MIDEAS: variants seen among roughly 807,000 people sequenced by gnomAD.
The protein encoded by MIDEAS is mitotic deacetylase associated SANT domain protein.
A neutral mutation model predicts 102.7 loss-of-function variants in MIDEAS; 26 were observed. The ratio of observed to expected loss-of-function variants is 0.25; its 90% CI spans 0.19 to 0.35. MIDEAS has a LOEUF of 0.35. MIDEAS is among the 10% of genes least tolerant of loss of function. The probability of loss-of-function intolerance (pLI) is 1.00; values close to 1 mark genes in which losing one functional copy is unlikely to be tolerated. For synonymous variants in MIDEAS, 585 were observed against 591.0 expected (o/e 0.99, Z 0.15); for missense variants, 1,231 against 1,435.6 (o/e 0.86, Z 2.30).
At chr14:73,783,867 T>C (rs1456193887) in intron 1 of MIDEAS, among the ~76,000 whole-genome samples, 1 of 152,164 alleles carries the variant, frequency 6.6e-6, no homozygotes, top group Admixed American at 6.5e-5. Flanking sequence ...ATGCCCTCTT[T>C]AGCTGGGGGT....
At chr14:73,720,833 C>T (rs2052979629) in intron 11 of MIDEAS, among the ~76,000 whole-genome samples, 2 of 152,292 alleles carry the variant, frequency 1.3e-5, no homozygotes, top group South Asian at 4.1e-4. Flanking sequence ...AAGCACTTTG[C>T]AGAGATCATG....
chr14:73,719,610 A>T, intron 11 of MIDEAS, 109 bp from the exon 12 acceptor site: 1 of 1,088,274 alleles, frequency 9.2e-7, no homozygotes, highest in Non-Finnish European at 1.3e-6. Flanking sequence ...TTCCTGCCAA[A>T]CAGTCACCTA....
chr14:73,750,178 A>G (rs998224584), intron 1 of MIDEAS, among the ~76,000 whole-genome samples: 1 of 152,108 alleles, frequency 6.6e-6, no homozygotes, highest in Non-Finnish European at 1.5e-5. Flanking sequence ...CCTATGGAGG[A>G]GTCTTATGTC....
intron 9 of MIDEAS, chr14:73,723,671 T>C (rs1188798887): frequency 6.6e-6 from 1 of 152,220 alleles, no homozygotes; most frequent in Non-Finnish European, 1.5e-5. Context: ...ATATAGCCAA[T>C]GTTAACGATT....
chr14:73,759,108 T>TG lies in MIDEAS; in HGVS notation c.-248+654dup, dbSNP rs2053523587. On this transcript the variant is annotated intron_variant, in intron 1 of 12. Transcript: ENST00000423556. The surrounding 1 kb of genome is among the most constrained non-coding windows in gnomAD (Gnocchi z 6.7). ...GCGCGGGAGGATGACAGGTCTGAGG[T>TG]GCGCCCGCCCGCGCGAAGCGCTCCA... Among the ~76,000 whole-genome samples, 1 of 151,218 alleles carries TG rather than the reference T, an allele frequency of 6.6e-6. No homozygotes were observed. The highest frequency in any genetic ancestry group is 1.5e-5 in the Non-Finnish European group (1 of 67,732).
rs1235397436 is a variant in MIDEAS, at chr14:73,716,782, T to A, written c.*2061A>T. 6.6e-6 allele frequency: 1 copy of A among 152,420 alleles called. No individual in the cohort carries two copies. 9.4% of individuals were successfully genotyped at this position (152,420 alleles called of 1,614,324 possible). A position where few individuals can be genotyped will look rare whatever the true frequency, so the allele number is the denominator to read the frequency against. Reference sequence around the variant, plus strand: ...TGAATGATGGAGGTTTCTGTTACCGTATGCCCATAAAGGGGCCTGAAACCA... The same window carrying A: ...TGAATGATGGAGGTTTCTGTTACCGAATGCCCATAAAGGGGCCTGAAACCA... On this transcript the variant is annotated 3_prime_UTR_variant, in exon 13 of 13. Coordinates refer to ENST00000423556, the MANE Select transcript of MIDEAS (RefSeq NM_001367710.1).
chr14:73,753,672 G>C (rs2053448959), intron 1 of MIDEAS, among the ~76,000 whole-genome samples: 1 of 152,276 alleles, frequency 6.6e-6, no homozygotes, highest in Admixed American at 6.5e-5. Flanking sequence ...TCCACAGCTG[G>C]CTGAGAGCAA....
At chr14:73,726,430 C>T (rs1042448596) in intron 7 of MIDEAS, among the ~76,000 whole-genome samples, 174 bp downstream of exon 7, 1 of 152,224 alleles carries the variant, frequency 6.6e-6, no homozygotes, top group Non-Finnish European at 1.5e-5. Context: ...ACAGCAAAAC[C>T]CGGGGTCTGA....
At position 73,738,979 on chromosome 14, in the gene MIDEAS, G is replaced by A. The variant is rs1406164082; in HGVS notation, c.1030C>T (p.Arg344Cys). ...TCCTTAGAGAGGCGGCGGGAGCGGC[G>A]GGGGAAGGGGATCTGGACCTGAGGT... Reference protein sequence around the residue: ...ALPQVQIPFPRRSRRLSKEGI... With the variant: ...ALPQVQIPFPCRSRRLSKEGI... Residue 344 changes from arginine (R) to cysteine (C), a missense_variant, in exon 2 of 13, where the codon CGC (arginine) becomes TGC (cysteine). Transcript: ENST00000423556. 10 of 1,531,854 alleles carry A rather than the reference G, an allele frequency of 6.5e-6. No homozygotes were observed. Among genetic ancestry groups the A allele is most frequent in the Admixed American group, 4.2e-5 (2 of 47,730 alleles). 94.9% of individuals were successfully genotyped at this position (1,531,854 alleles called of 1,614,324 possible).
chr14:73,725,749 C>T lies in MIDEAS; in HGVS notation c.2485+284G>A, dbSNP rs146199033. 1.1e-3 allele frequency among the ~76,000 whole-genome samples: 171 copies of T among 152,322 alleles called. 1 individual carries two copies. In the East Asian group the frequency reaches 0.031, roughly 28 times the overall value. On this transcript the variant is annotated intron_variant, in intron 8 of 12. Coordinates refer to ENST00000423556, the MANE Select transcript of MIDEAS (RefSeq NM_001367710.1). This position sits in a 1 kb window ranked among gnomAD's most constrained non-coding sequence, Gnocchi z 4.1. ...GGGGCTAAGTTCCAGGTACCTGATG[C>T]CAATCTGGATGGCTCTCCATGGGTT...
At position 73,725,976 on chromosome 14, in the gene MIDEAS, T is replaced by C. The variant is rs982754220; in HGVS notation, c.2485+57A>G. The C allele has an allele frequency of 7.0e-7, 1 of 1,427,556 alleles. No individual in the cohort carries two copies. Among genetic ancestry groups the C allele is most frequent in the African/African-American group, 1.4e-5 (1 of 70,984 alleles). The allele number at this position is 1,427,556 out of a possible 1,614,324, so 88.4% of individuals were successfully genotyped here. A position where few individuals can be genotyped will look rare whatever the true frequency, so the allele number is the denominator to read the frequency against. ...TGACTCAGCACTGAGCAGGGCCCCATGGATGCTGGAGACCTCTTGAGGCTC... is the reference window on the plus strand; with the variant it reads ...TGACTCAGCACTGAGCAGGGCCCCACGGATGCTGGAGACCTCTTGAGGCTC... On this transcript the variant is annotated intron_variant, in intron 8 of 12. Coordinates refer to ENST00000423556, the MANE Select transcript of MIDEAS (RefSeq NM_001367710.1). This position sits in a 1 kb window ranked among gnomAD's most constrained non-coding sequence, Gnocchi z 4.1.
In MIDEAS at chr14:73,738,545, G is replaced by GGT; in HGVS notation, c.1449+14_1449+15insAC. The GGT allele has an allele frequency of 2.0e-6, 3 of 1,525,654 alleles. No individual in the cohort carries two copies. In the Admixed American group the frequency reaches 6.0e-5, roughly 30 times the overall value. 94.5% of individuals were successfully genotyped at this position (1,525,654 alleles called of 1,614,324 possible). On this transcript the variant is annotated intron_variant, in intron 2 of 12. Transcript: ENST00000423556. ...GCCCTCTGCCAGGTGTGGCTCCACT[G>GGT]CATGCCACTCTCACCTTTGCATTCT... is the stretch of plus-strand genomic sequence containing the variant.
In MIDEAS at chr14:73,738,771, C is replaced by G. The variant is rs745902012; in HGVS notation, c.1238G>C (p.Gly413Ala). ...CCGGCCATTGGGTGCTAGTCTCTCC[C>G]CATCAGGCAGTAGCTGCGACTCCCT... ...ELRESQLLPD[G>A]ERLAPNGRER... Residue 413 changes from glycine to alanine, a missense_variant, in exon 2 of 13, where the codon GGG becomes GCG. Physicochemically the swap from Gly to Ala is moderately conservative, Grantham distance 60 (BLOSUM62 0). Around this residue, in one of 5 missense-constraint regions of MIDEAS, gnomAD observed 758 missense variants for 856.0 expected, o/e 0.89. Coordinates refer to ENST00000423556, the MANE Select transcript of MIDEAS (RefSeq NM_001367710.1). 2 of 1,593,802 alleles carry G rather than the reference C, an allele frequency of 1.3e-6. No homozygotes were observed. The highest frequency in any genetic ancestry group is 1.7e-6 in the Non-Finnish European group (2 of 1,168,978).
In MIDEAS at chr14:73,718,621, A is replaced by G; in HGVS notation, c.*222T>C. 1 of 420,578 alleles carries G rather than the reference A, an allele frequency of 2.4e-6. No individual in the cohort carries two copies. Among genetic ancestry groups the G allele is most frequent in the South Asian group, 8.9e-5 (1 of 11,216 alleles). The allele number at this position is 420,578 out of a possible 1,614,324, so 26.1% of individuals were successfully genotyped here. ...CAGGAAAGCACGAGGACAGCTTCCGACAGACCAAATGCAAAGAGAGCTGGA... is the reference window on the plus strand; with the variant it reads ...CAGGAAAGCACGAGGACAGCTTCCGGCAGACCAAATGCAAAGAGAGCTGGA... On this transcript the variant is annotated 3_prime_UTR_variant, in exon 13 of 13. Coordinates refer to ENST00000423556, the MANE Select transcript of MIDEAS (RefSeq NM_001367710.1).
intron 1 of MIDEAS, among the ~76,000 whole-genome samples, chr14:73,769,449 G>GGCCC (rs2053622533): frequency 6.6e-6 from 1 of 152,166 alleles, no homozygotes; most frequent in Non-Finnish European, 1.5e-5. Context: ...GCCCCATTAT[G>GGCCC]GCCCGCCCCA....
Position 73,719,385 on chromosome 14 carries a change from AAAAGGT to A in MIDEAS, c.3048_3053del (p.Pro1017_Phe1018del), listed in dbSNP as rs2052950853. The A allele has an allele frequency of 1.9e-6, 3 of 1,613,862 alleles. No homozygotes were observed. In the African/African-American group the frequency reaches 4.0e-5, roughly 22 times the overall value. On this transcript the variant is annotated inframe_deletion, in exon 12 of 13. Transcript: ENST00000423556. ...TCTCTGTTTTTTTCTTCTTCTCTGA[AAAAGGT>A]AGTGCCCTTCGTGACTTCCCTGTCC...
chr14:73,759,074 T>TGCGGGGGCGC lies in MIDEAS; in HGVS notation c.-248+679_-248+688dup, dbSNP rs1162423067. On this transcript the variant is annotated intron_variant, in intron 1 of 12. Coordinates refer to ENST00000423556, the MANE Select transcript of MIDEAS (RefSeq NM_001367710.1). The surrounding 1 kb of genome is among the most constrained non-coding windows in gnomAD (Gnocchi z 6.7). ...TGGGAGGGCTGCGGCGGCGCGGGCG[T>TGCGGGGGCGC]GCGGGGGCGCGCGGGAGGATGACAG... Among the ~76,000 whole-genome samples, 1 of 151,780 alleles carries TGCGGGGGCGC rather than the reference T, an allele frequency of 6.6e-6. No individual in the cohort carries two copies. Among genetic ancestry groups the TGCGGGGGCGC allele is most frequent in the African/African-American group, 2.4e-5 (1 of 41,346 alleles).
chr14:73,756,295 TGCGCGCGCGC>T (rs1555344807), intron 1 of MIDEAS, among the ~76,000 whole-genome samples: 276 of 127,716 alleles, frequency 2.2e-3, no homozygotes, highest in Middle Eastern at 0.019. Flanking sequence ...TGTGTGTGTG[TGCGCGCGCGC>T]GTGCGCGCTG....
Position 73,759,815 on chromosome 14 carries a change from C to G in MIDEAS, c.-300G>C, listed in dbSNP as rs1445679081. The G allele has an allele frequency of 3.3e-5, 5 of 151,996 alleles. No homozygotes were observed. The East Asian group carries it at 9.7e-4, about 29-fold the overall frequency. 9.4% of individuals were successfully genotyped at this position (151,996 alleles called of 1,614,324 possible). A position where few individuals can be genotyped will look rare whatever the true frequency, so the allele number is the denominator to read the frequency against. ...GGGCTCGGCTGTCCCCCTTCCGCCG[C>G]GGGTCGCCGCCTTCGGTCGCCTCCG... is the stretch of plus-strand genomic sequence containing the variant. On this transcript the variant is annotated 5_prime_UTR_variant, in exon 1 of 13. Transcript: ENST00000423556. The surrounding 1 kb of genome is among the most constrained non-coding windows in gnomAD (Gnocchi z 6.7).
Sources: allele counts gnomAD v4.1 joint callset (sites outside exome capture counted in the v4.1 genomes callset), GRCh38; gene constraint gnomAD v4.1.1; regional missense constraint gnomAD v4.1.1; non-coding constraint Gnocchi (gnomAD v3.1); transcripts MANE v1.5; gene names NCBI Gene and HGNC (gene_info 2026-07-23, HGNC 2026-07-21).